PARD3B: variants seen among roughly 807,000 people sequenced by gnomAD.
The protein encoded by PARD3B is partitioning defective 3 homolog B.
In PARD3B, 103 loss-of-function variants were observed where a neutral mutation model predicts 130.2. That is an observed-to-expected ratio of 0.79 (90% CI 0.67 to 0.93). The LOEUF is 0.93. Among genes scored for constraint, PARD3B ranks in the 40% least tolerant of loss-of-function variants. The pLI is 0.00. For synonymous variants in PARD3B, 583 were observed against 553.2 expected, an observed-to-expected ratio of 1.05 and a Z score of -0.76; for missense variants, 1,609 against 1,499.2, an observed-to-expected ratio of 1.07 and a Z score of -1.21.
rs530079835 is a variant in PARD3B, at chr2:205,615,755, A to G, written c.3560A>G (p.Gln1187Arg). 5.6e-6 allele frequency: 9 copies of G among 1,614,062 alleles called. No individual in the cohort carries two copies. The highest frequency in any genetic ancestry group is 5.5e-5 in the South Asian group (5 of 91,068). The change falls in exon 23 of 23, where the codon CAG becomes CGG. Residue 1187 changes from glutamine (Q) to arginine (R), a missense_variant. Transcript: ENST00000406610. Reference protein sequence around the residue: ...RPGPRGGSPDQYPYRTQDSRQ... With the variant: ...RPGPRGGSPDRYPYRTQDSRQ... ...GGGCCCCGTGGGGGCAGCCCAGACCAGTACCCTTACCGAACCCAGGATTCC... is the reference window on the plus strand; with the variant it reads ...GGGCCCCGTGGGGGCAGCCCAGACCGGTACCCTTACCGAACCCAGGATTCC...
chr2:204,950,506 G>A (rs1232087029), intron 2 of PARD3B, among the ~76,000 whole-genome samples: 1 of 152,136 alleles, frequency 6.6e-6, no homozygotes. Flanking sequence ...CGGGGTGGGA[G>A]GAGGCCAGTG....
chr2:205,193,871 C>T (rs1427564979), intron 15 of PARD3B, among the ~76,000 whole-genome samples: 2 of 152,214 alleles, frequency 1.3e-5, no homozygotes, highest in African/African-American at 4.8e-5. Context: ...GGGCGTGCCA[C>T]ACTGAGGGTG....
At chr2:204,954,082 A>G (rs1320881631) in intron 2 of PARD3B, among the ~76,000 whole-genome samples, 1 of 152,144 alleles carries the variant, frequency 6.6e-6, no homozygotes, top group Non-Finnish European at 1.5e-5. Context: ...AATCATAATT[A>G]CAAATCTTGA....
chr2:204,755,065 G>A (rs939720609), intron 2 of PARD3B, among the ~76,000 whole-genome samples: 2 of 151,850 alleles, frequency 1.3e-5, no homozygotes, highest in African/African-American at 2.4e-5. Flanking sequence ...TGCCTTGCAC[G>A]CAAAAAATGG....
At chr2:205,194,440 G>A (rs982712900) in intron 15 of PARD3B, among the ~76,000 whole-genome samples, 6 of 152,154 alleles carry the variant, frequency 3.9e-5, no homozygotes, top group African/African-American at 1.2e-4. Context: ...TTTCTCAAGC[G>A]TGAACCTTTG....
At chr2:205,023,198 CAG>C (rs1290364366) in intron 3 of PARD3B, among the ~76,000 whole-genome samples, 64 of 152,276 alleles carry the variant, frequency 4.2e-4, no homozygotes, top group Non-Finnish European at 4.6e-4. Context: ...ATCGCTTTCA[CAG>C]AGAGGAGAGG....
At chr2:204,934,630 A>G (rs1405846733) in intron 2 of PARD3B, among the ~76,000 whole-genome samples, 1 of 152,098 alleles carries the variant, frequency 6.6e-6, no homozygotes, top group East Asian at 1.9e-4. Context: ...TAAAATATAG[A>G]CACTATTACA....
Position 205,176,507 on chromosome 2 carries a change from C to T in PARD3B, c.1854C>T (p.Thr618=), listed in dbSNP as rs538202952. Residue 618 remains threonine (T), a synonymous_variant, in exon 13 of 23, where the codon ACC becomes ACT. Transcript: ENST00000406610. This position sits in a 1 kb window ranked among gnomAD's most constrained non-coding sequence, Gnocchi z 5.3. ...TTGAGAACTGTCAAAATGCTGTAACCACCTCTAGGCGAAATGATAATAGTA... is the reference window on the plus strand; with the variant it reads ...TTGAGAACTGTCAAAATGCTGTAACTACCTCTAGGCGAAATGATAATAGTA... The part of the protein sequence containing the change: ...PCFENCQNAV[T]TSRRNDNSIL... 5 of 1,612,320 alleles carry T rather than the reference C, an allele frequency of 3.1e-6. No homozygotes were observed. The South Asian group carries it at 5.5e-5, about 18-fold the overall frequency.
At chr2:205,447,423 G>A (rs984611501) in intron 20 of PARD3B, among the ~76,000 whole-genome samples, 1 of 152,182 alleles carries the variant, frequency 6.6e-6, no homozygotes, top group Non-Finnish European at 1.5e-5. Flanking sequence ...TGTTGCCCAG[G>A]CTGGAGTGCA....
At position 204,858,809 on chromosome 2, in the gene PARD3B, TATATA is replaced by T. The variant is rs745921538; in HGVS notation, c.223-106336_223-106332del. Among the ~76,000 whole-genome samples the T allele has an allele frequency of 6.1e-5, 9 of 148,496 alleles. No individual in the cohort carries two copies. In the South Asian group the frequency reaches 6.3e-4, roughly 10 times the overall value. On this transcript the variant is annotated intron_variant, in intron 2 of 22. Coordinates refer to ENST00000406610, the MANE Select transcript of PARD3B (RefSeq NM_001302769.2). Reference sequence around the variant, plus strand: ...TATATAAAAAATATAGTAAAATACATATATAATATAACATGTTATATACCTTCAAT... The same window carrying T: ...TATATAAAAAATATAGTAAAATACATATATAACATGTTATATACCTTCAAT...
chr2:204,802,161 G>A (rs185697111), intron 2 of PARD3B, among the ~76,000 whole-genome samples: 153 of 152,078 alleles, frequency 1.0e-3, no homozygotes, highest in African/African-American at 3.3e-3. Context: ...GAAAACAACC[G>A]CATCAAAAAG....
intron 19 of PARD3B, among the ~76,000 whole-genome samples, chr2:205,412,413 T>C (rs2106057109): frequency 1.3e-5 from 2 of 152,342 alleles, no homozygotes; most frequent in East Asian, 3.9e-4. Flanking sequence ...ATGGAAGATA[T>C]AAGTATTCAT....
intron 21 of PARD3B, among the ~76,000 whole-genome samples, chr2:205,551,400 T>C (rs541198132): frequency 1.3e-5 from 2 of 152,084 alleles, no homozygotes; most frequent in Non-Finnish European, 2.9e-5. Flanking sequence ...CCTCTGGTTT[T>C]GGTAGAAAGT....
intron 18 of PARD3B, among the ~76,000 whole-genome samples, chr2:205,322,843 T>A (rs1312476937): frequency 1.4e-5 from 2 of 148,118 alleles, no homozygotes; most frequent in East Asian, 4.1e-4. Context: ...TTTGAAACTT[T>A]CAGCCAAAAG....
intron 5 of PARD3B, among the ~76,000 whole-genome samples, chr2:205,108,943 T>G (rs1423152928): frequency 2.6e-5 from 4 of 152,162 alleles, no homozygotes; most frequent in African/African-American, 9.7e-5. Context: ...AGAAGAAGGT[T>G]AGTACACTGC....
intron 2 of PARD3B, among the ~76,000 whole-genome samples, chr2:204,891,043 G>T (rs2046425835): frequency 6.6e-6 from 1 of 151,984 alleles, no homozygotes; most frequent in South Asian, 2.1e-4. Context: ...TTCCTTTCAA[G>T]TCCATTTTAT....
chr2:204,933,175 T>G (rs913956182), intron 2 of PARD3B, among the ~76,000 whole-genome samples: 8 of 152,126 alleles, frequency 5.3e-5, no homozygotes, highest in African/African-American at 1.9e-4. Flanking sequence ...TGTAGGGCCC[T>G]GTGCACATCC....
At chr2:204,980,580 C>T (rs1692575965) in intron 3 of PARD3B, among the ~76,000 whole-genome samples, 1 of 152,150 alleles carries the variant, frequency 6.6e-6, no homozygotes, top group Admixed American at 6.5e-5. Context: ...TATCTCCAGG[C>T]ATAATTCAGC....
intron 4 of PARD3B, among the ~76,000 whole-genome samples, chr2:205,065,432 C>G (rs1043959253): frequency 6.6e-6 from 1 of 152,160 alleles, no homozygotes; most frequent in Non-Finnish European, 1.5e-5. Context: ...TAAAGATATC[C>G]TGACCCAATA....
Sources: allele counts gnomAD v4.1 joint callset (sites outside exome capture counted in the v4.1 genomes callset), GRCh38; gene constraint gnomAD v4.1.1; non-coding constraint Gnocchi (gnomAD v3.1); transcripts MANE v1.5; gene names NCBI Gene and HGNC (gene_info 2026-07-23, HGNC 2026-07-21).